The following SLC9A9 variants were observed in gnomAD, a reference collection of about 807,000 sequenced individuals.
The protein encoded by SLC9A9 is sodium/hydrogen exchanger 9.
In SLC9A9, 62 loss-of-function variants were observed where a neutral mutation model predicts 77.8. That is an observed-to-expected ratio of 0.80 (90% CI 0.65 to 0.98). SLC9A9 has a LOEUF of 0.98. SLC9A9 is among the 50% of genes least tolerant of loss of function. The pLI is 0.00. For missense variants in SLC9A9, 775 were observed against 774.9 expected (o/e 1.00, Z 0.00); for synonymous variants, 320 against 283.5 (o/e 1.13, Z -1.29).
chr3:143,495,872 T>C (rs2035826728), intron 9 of SLC9A9, among the ~76,000 whole-genome samples: 1 of 152,078 alleles, frequency 6.6e-6, no homozygotes, highest in Non-Finnish European at 1.5e-5. Context: ...ACTGAACAAC[T>C]GTTTTTTTTA....
At chr3:143,298,837 G>A (rs559594521) in intron 14 of SLC9A9, among the ~76,000 whole-genome samples, 1 of 152,278 alleles carries the variant, frequency 6.6e-6, no homozygotes, top group South Asian at 2.1e-4. Context: ...GATAGTATGT[G>A]TCTTAAACTT....
At chr3:143,833,888 A>C (rs149247188) in intron 1 of SLC9A9, among the ~76,000 whole-genome samples, 2 of 152,188 alleles carry the variant, frequency 1.3e-5, no homozygotes, top group African/African-American at 4.8e-5. Flanking sequence ...AAATAGAGAG[A>C]AAGAGAGACA....
intron 12 of SLC9A9, among the ~76,000 whole-genome samples, chr3:143,413,780 CTGTGTGTGTG>C (rs3068538): frequency 2.0e-5 from 3 of 150,200 alleles, no homozygotes; most frequent in African/African-American, 7.3e-5. Flanking sequence ...GTATTATTAA[CTGTGTGTGTG>C]TGTGTGTGTG....
chr3:143,831,625 C>G (rs1333117586), intron 2 of SLC9A9, among the ~76,000 whole-genome samples: 2 of 152,148 alleles, frequency 1.3e-5, no homozygotes, highest in Admixed American at 1.3e-4. Flanking sequence ...TCCATTTTCC[C>G]TTTGGCTTAA....
At chr3:143,689,811 G>T (rs1933399514) in intron 5 of SLC9A9, among the ~76,000 whole-genome samples, 1 of 152,076 alleles carries the variant, frequency 6.6e-6, no homozygotes, top group African/African-American at 2.4e-5. Context: ...ATAGTGGAAT[G>T]TGTGCATGTT....
Position 143,701,636 on chromosome 3 carries a change from A to G in SLC9A9, c.534-8329T>C, listed in dbSNP as rs569443676. On this transcript the variant is annotated intron_variant, in intron 4 of 15. Coordinates refer to ENST00000316549, the MANE Select transcript of SLC9A9 (RefSeq NM_173653.4). ...CAGAGGAGGCAAAAGAAAAAAGAAT[A>G]AAAAACAATGAAGCATGCCTACAGG... Among the ~76,000 whole-genome samples, 13 of 152,298 alleles carry G rather than the reference A, an allele frequency of 8.5e-5. No individual in the cohort carries two copies. The East Asian group carries it at 2.5e-3, about 29-fold the overall frequency.
At chr3:143,393,364 G>A (rs553230472) in intron 12 of SLC9A9, among the ~76,000 whole-genome samples, 5 of 152,294 alleles carry the variant, frequency 3.3e-5, no homozygotes, top group East Asian at 3.9e-4. Flanking sequence ...GGTACGTAAG[G>A]AAATGAAGGC....
At chr3:143,487,934 A>T (rs1028433374) in intron 11 of SLC9A9, among the ~76,000 whole-genome samples, 2 of 151,858 alleles carry the variant, frequency 1.3e-5, no homozygotes, top group African/African-American at 4.8e-5. Context: ...TAATAGAAAA[A>T]ATAAATGAAA....
At chr3:143,505,278 G>C (rs2035992876) in intron 9 of SLC9A9, among the ~76,000 whole-genome samples, 1 of 152,096 alleles carries the variant, frequency 6.6e-6, no homozygotes, top group African/African-American at 2.4e-5. Context: ...GAAGTTTTAA[G>C]ACAAATCCTT....
intron 14 of SLC9A9, among the ~76,000 whole-genome samples, chr3:143,318,933 G>A (rs552901366): frequency 1.6e-4 from 25 of 152,288 alleles, no homozygotes; most frequent in African/African-American, 3.9e-4. Context: ...GTAAAAAGGC[G>A]TCAGAGAAGG....
intron 4 of SLC9A9, among the ~76,000 whole-genome samples, chr3:143,748,864 C>T (rs569129799): frequency 2.3e-4 from 35 of 151,478 alleles, no homozygotes; most frequent in East Asian, 9.7e-4. Flanking sequence ...CCACCGCGCC[C>T]GGCTAATTTT....
intron 13 of SLC9A9, among the ~76,000 whole-genome samples, chr3:143,376,979 C>T (rs2033193742): frequency 6.6e-6 from 1 of 152,118 alleles, no homozygotes; most frequent in African/African-American, 2.4e-5. Flanking sequence ...AGTACAGGAG[C>T]AGTAAATGCA....
At chr3:143,318,774 G>A (rs754607610) in intron 14 of SLC9A9, among the ~76,000 whole-genome samples, 1 of 152,172 alleles carries the variant, frequency 6.6e-6, no homozygotes, top group Non-Finnish European at 1.5e-5. Context: ...AAATGTAGAC[G>A]TTGCTTGAAT....
intron 3 of SLC9A9, 107 bp downstream of exon 3, chr3:143,796,719 G>C: frequency 1.4e-6 from 1 of 737,626 alleles, no homozygotes; most frequent in Non-Finnish European, 2.2e-6. Flanking sequence ...TTAAGATAAT[G>C]ATACTCTTAC....
At chr3:143,576,979 T>A (rs1158102054) in intron 7 of SLC9A9, among the ~76,000 whole-genome samples, 2 of 152,206 alleles carry the variant, frequency 1.3e-5, no homozygotes, top group East Asian at 3.9e-4. Flanking sequence ...AGCCAATCAC[T>A]AAGTCTTAGA....
chr3:143,830,804 A>C (rs564797837), intron 2 of SLC9A9, among the ~76,000 whole-genome samples: 4 of 152,318 alleles, frequency 2.6e-5, no homozygotes, highest in Non-Finnish European at 4.4e-5. Flanking sequence ...AAAAAGAAAC[A>C]CATGGAAGAG....
At chr3:143,779,181 C>T (rs2007792275) in intron 4 of SLC9A9, among the ~76,000 whole-genome samples, 1 of 152,100 alleles carries the variant, frequency 6.6e-6, no homozygotes, top group Admixed American at 6.5e-5. Context: ...AAGTCTCAAA[C>T]TTTACTGTTG....
At chr3:143,488,201 T>A (rs2035682797) in intron 11 of SLC9A9, among the ~76,000 whole-genome samples, 1 of 151,832 alleles carries the variant, frequency 6.6e-6, no homozygotes, top group Non-Finnish European at 1.5e-5. Context: ...GATTAAAGCA[T>A]GAAGAAATGA....
chr3:143,611,895 G>A (rs1466854633), intron 6 of SLC9A9, among the ~76,000 whole-genome samples: 2 of 152,046 alleles, frequency 1.3e-5, no homozygotes, highest in African/African-American at 2.4e-5. Context: ...CACCATACCT[G>A]GCTAATTAAG....
Sources: allele counts gnomAD v4.1 joint callset (sites outside exome capture counted in the v4.1 genomes callset), GRCh38; gene constraint gnomAD v4.1.1; transcripts MANE v1.5; gene names NCBI Gene and HGNC (gene_info 2026-07-23, HGNC 2026-07-21).